S100Z: variants seen among roughly 807,000 people sequenced by gnomAD.
S100Z encodes the protein S100 calcium binding protein Z, also known as protein S100-Z.
Under a neutral mutation model 8.5 loss-of-function variants are expected in S100Z, and 11 were observed. The observed-to-expected ratio is 1.30, with a 90% CI of 0.82 to 2.15. S100Z has a LOEUF of 2.15. Ranked by LOEUF, S100Z falls within the 30% of genes most tolerant of loss-of-function variation. S100Z has a pLI of 0.00. For synonymous variants in S100Z, 34 were observed against 43.8 expected (o/e 0.78, Z 0.89); for missense variants, 126 against 117.9 (o/e 1.07, Z -0.32).
intron 4 of S100Z, among the ~76,000 whole-genome samples, chr5:76,888,444 C>T (rs1453176246): frequency 7.9e-5 from 10 of 127,098 alleles, no homozygotes; most frequent in African/African-American, 1.5e-4. Flanking sequence ...GGCGTGACCT[C>T]GGCTCACTGC....
At chr5:76,871,871 T>C (rs1003484693) in intron 2 of S100Z, among the ~76,000 whole-genome samples, 2 of 152,224 alleles carry the variant, frequency 1.3e-5, no homozygotes, top group African/African-American at 2.4e-5. Context: ...CCCATACCCC[T>C]GCCTTTTTGA....
intron 4 of S100Z, among the ~76,000 whole-genome samples, chr5:76,894,566 AC>A (rs1743970168): frequency 6.6e-6 from 1 of 152,190 alleles, no homozygotes; most frequent in South Asian, 2.1e-4. Context: ...GGTGTTTACC[AC>A]AGATGGTGAC....
chr5:76,914,440 G>C (rs1744785702), intron 4 of S100Z, among the ~76,000 whole-genome samples: 1 of 62,606 alleles, frequency 1.6e-5, no homozygotes, highest in Non-Finnish European at 3.1e-5. Context: ...CAATCAGCAG[G>C]ATGTGGGTGG....
intron 1 of S100Z, among the ~76,000 whole-genome samples, chr5:76,868,433 T>G (rs986478806): frequency 2.6e-5 from 4 of 152,202 alleles, no homozygotes; most frequent in Non-Finnish European, 1.5e-5. Context: ...ATTACAATTT[T>G]CAATATCTAT....
chr5:76,895,539 T>A (rs898721849), intron 4 of S100Z, among the ~76,000 whole-genome samples: 1 of 152,084 alleles, frequency 6.6e-6, no homozygotes, highest in African/African-American at 2.4e-5. Context: ...TTTAATTTTT[T>A]AATTTTTAAA....
At chr5:76,869,200 C>T (rs772129976) in intron 1 of S100Z, among the ~76,000 whole-genome samples, 4 of 151,846 alleles carry the variant, frequency 2.6e-5, no homozygotes, top group East Asian at 1.9e-4. Context: ...ACCCTGACAT[C>T]AAGGAACTCA....
At chr5:76,928,210 C>G in the S100Z span, among the ~76,000 whole-genome samples, 1 of 152,110 alleles carries the variant, frequency 6.6e-6, no homozygotes, top group Admixed American at 6.5e-5. Context: ...CTTTTTGGTC[C>G]TCCACTTGCA....
At chr5:76,895,837 A>G (rs1375555331) in intron 4 of S100Z, among the ~76,000 whole-genome samples, 2 of 131,008 alleles carry the variant, frequency 1.5e-5, no homozygotes, top group Admixed American at 9.8e-5. Flanking sequence ...TGGCATGCTC[A>G]CTGCAATCTC....
Position 76,860,070 on chromosome 5 carries a change from C to G in S100Z, c.-176+9915C>G, listed in dbSNP as rs144821486. ...TATATCAGACAGGGCTCTTAATTGC[C>G]GGCAATAAAAGTTGACTCTAGATGC... is the stretch of plus-strand genomic sequence containing the variant. On this transcript the variant is annotated intron_variant, in intron 1 of 4. Transcript: ENST00000317593. Among the ~76,000 whole-genome samples the G allele has an allele frequency of 5.4e-3, 816 of 152,194 alleles. 11 individuals are homozygous for G. Among genetic ancestry groups the G allele is most frequent in the African/African-American group, 0.019 (776 of 41,528 alleles).
At chr5:76,912,005 C>T (rs1357355734) in intron 4 of S100Z, among the ~76,000 whole-genome samples, 2 of 152,156 alleles carry the variant, frequency 1.3e-5, no homozygotes, top group Admixed American at 6.5e-5. Context: ...CGTGGGACAA[C>T]CCCACAACCA....
intron 1 of S100Z, among the ~76,000 whole-genome samples, chr5:76,863,569 C>T (rs980876855): frequency 2.0e-5 from 3 of 152,204 alleles, no homozygotes; most frequent in Admixed American, 6.5e-5. Flanking sequence ...GGCAGAGTCT[C>T]ACTCTGTTGC....
chr5:76,922,996 C>G (rs1453660470), downstream of S100Z, among the ~76,000 whole-genome samples: 6 of 148,158 alleles, frequency 4.0e-5, no homozygotes, highest in Admixed American at 6.7e-5. Flanking sequence ...TTTCCCTTTG[C>G]CCCTACAATG....
At chr5:76,891,357 G>C (rs374533938) in intron 4 of S100Z, among the ~76,000 whole-genome samples, 40 of 152,286 alleles carry the variant, frequency 2.6e-4, no homozygotes, top group Middle Eastern at 3.4e-3. Flanking sequence ...TGGGGCCCAG[G>C]CATCAGCATT....
At chr5:76,872,607 C>T (rs2150636353) in intron 2 of S100Z, among the ~76,000 whole-genome samples, 1 of 152,134 alleles carries the variant, frequency 6.6e-6, no homozygotes, top group African/African-American at 2.4e-5. Flanking sequence ...GTGCAGTGAG[C>T]CATTACTGGG....
At chr5:76,867,690 T>C (rs1742817552) in intron 1 of S100Z, among the ~76,000 whole-genome samples, 1 of 151,402 alleles carries the variant, frequency 6.6e-6, no homozygotes, top group Admixed American at 6.6e-5. Flanking sequence ...CAAATGATCC[T>C]CCTGCCTCAG....
chr5:76,851,622 G>A (rs1043093522), intron 1 of S100Z, among the ~76,000 whole-genome samples: 5 of 152,248 alleles, frequency 3.3e-5, no homozygotes, highest in Admixed American at 2.0e-4. Flanking sequence ...ATCCCCTCTG[G>A]GGTAGAGGAA....
chr5:76,873,369 G>A (rs574407294), intron 2 of S100Z, among the ~76,000 whole-genome samples: 158 of 149,588 alleles, frequency 1.1e-3, no homozygotes, highest in African/African-American at 3.5e-3. Flanking sequence ...GTGCAGGGAC[G>A]TGATCTTGGC....
intron 4 of S100Z, among the ~76,000 whole-genome samples, chr5:76,896,577 A>G (rs183877336): frequency 1.3e-3 from 200 of 152,336 alleles, no homozygotes; most frequent in African/African-American, 4.6e-3. Context: ...GCTGGATCAC[A>G]TGGTAGCTCA....
chr5:76,863,746 G>T (rs946865269), intron 1 of S100Z, among the ~76,000 whole-genome samples: 1 of 152,010 alleles, frequency 6.6e-6, no homozygotes, highest in South Asian at 2.1e-4. Context: ...CACCGTGTTA[G>T]CCAGGATGGT....
Sources: allele counts gnomAD v4.1 joint callset (sites outside exome capture counted in the v4.1 genomes callset), GRCh38; gene constraint gnomAD v4.1.1; transcripts MANE v1.5; gene names NCBI Gene and HGNC (gene_info 2026-07-23, HGNC 2026-07-21).